The following FOCAD variants were observed in gnomAD, a reference collection of about 807,000 sequenced individuals.
FOCAD encodes the protein KIAA1797.
FOCAD carries 198 observed loss-of-function variants against 225.6 expected under a neutral mutation model. That is an observed-to-expected ratio of 0.88 (90% CI 0.78 to 0.99). The LOEUF (loss-of-function observed/expected upper bound fraction) is 0.99. Ranked by LOEUF, FOCAD falls within the 50% of genes least tolerant of loss-of-function variation. The pLI, the probability that FOCAD is intolerant of heterozygous loss-of-function variation, is 0.00. For synonymous variants in FOCAD, 897 were observed against 755.0 expected (o/e 1.19, Z -3.08); for missense variants, 2,713 against 2,123.6 (o/e 1.28, Z -5.46).
At chr9:20,729,050 C>T (rs1377861812) in intron 4 of FOCAD, among the ~76,000 whole-genome samples, 1 of 152,186 alleles carries the variant, frequency 6.6e-6, no homozygotes, top group African/African-American at 2.4e-5. Context: ...GCCACAATTA[C>T]AGATTTCCAA....
chr9:20,799,741 C>G (rs933737352), intron 11 of FOCAD, among the ~76,000 whole-genome samples: 1 of 152,040 alleles, frequency 6.6e-6, no homozygotes, highest in Non-Finnish European at 1.5e-5. Flanking sequence ...CTATGTTTGT[C>G]TGTGCATGTG....
intron 11 of FOCAD, among the ~76,000 whole-genome samples, chr9:20,798,661 G>T (rs1037993435): frequency 6.6e-6 from 1 of 152,024 alleles, no homozygotes; most frequent in Admixed American, 6.6e-5. Context: ...TTCTCTGATG[G>T]TAGTTTGTAT....
chr9:20,920,616 T>C (rs1834322857), intron 24 of FOCAD, among the ~76,000 whole-genome samples: 1 of 146,380 alleles, frequency 6.8e-6, no homozygotes, highest in African/African-American at 2.5e-5. Context: ...ATATACACCA[T>C]GGAATACTAT....
intron 31 of FOCAD, 69 bp from the exon 32 acceptor site, chr9:20,948,782 C>T: frequency 1.3e-6 from 2 of 1,541,568 alleles, no homozygotes; most frequent in Non-Finnish European, 1.8e-6. Flanking sequence ...TCCGTGTCCT[C>T]AGAAGTTTTA....
chr9:20,810,219 A>T (rs1249943995), intron 11 of FOCAD, among the ~76,000 whole-genome samples: 1 of 152,152 alleles, frequency 6.6e-6, no homozygotes, highest in Non-Finnish European at 1.5e-5. Flanking sequence ...GGCAACATGT[A>T]TGGGTTCTTT....
At chr9:20,905,411 A>T (rs962154791) in intron 21 of FOCAD, among the ~76,000 whole-genome samples, 13 of 151,962 alleles carry the variant, frequency 8.6e-5, no homozygotes, top group African/African-American at 2.7e-4. Context: ...CATTTGTGAG[A>T]CCATTGTCTT....
intron 5 of FOCAD, among the ~76,000 whole-genome samples, chr9:20,753,308 G>C (rs1587021218): frequency 2.0e-5 from 3 of 151,832 alleles, no homozygotes; most frequent in Non-Finnish European, 1.5e-5. Context: ...GTCATAGATA[G>C]CTCTTATTAT....
At chr9:20,692,015 G>C (rs10811391) in intron 1 of FOCAD, among the ~76,000 whole-genome samples, 1 of 151,980 alleles carries the variant, frequency 6.6e-6, no homozygotes, top group Non-Finnish European at 1.5e-5. Context: ...CTCCCAAAGT[G>C]CTGGGATTAC....
At chr9:20,707,906 G>T (rs78710208) in intron 1 of FOCAD, among the ~76,000 whole-genome samples, 1 of 152,218 alleles carries the variant, frequency 6.6e-6, no homozygotes, top group Non-Finnish European at 1.5e-5. Context: ...TTCATACAAG[G>T]TGATGAAACA....
At chr9:20,953,493 G>A (rs1200062745) in intron 35 of FOCAD, among the ~76,000 whole-genome samples, 1 of 152,126 alleles carries the variant, frequency 6.6e-6, no homozygotes, top group African/African-American at 2.4e-5. Flanking sequence ...TGAAATCACT[G>A]GCTCTAGTTC....
chr9:20,673,394 T>C (rs933263510), intron 2 of FOCAD, among the ~76,000 whole-genome samples: 1 of 152,166 alleles, frequency 6.6e-6, no homozygotes, highest in Non-Finnish European at 1.5e-5. Flanking sequence ...ATCGACAATG[T>C]GTAAGGGTTC....
intron 1 of FOCAD, among the ~76,000 whole-genome samples, chr9:20,693,433 C>T (rs909908484): frequency 1.3e-5 from 2 of 152,146 alleles, no homozygotes; most frequent in Admixed American, 6.6e-5. Context: ...CACTTATCTT[C>T]AGAAATGCTA....
At chr9:20,753,820 G>T (rs1336742980) in intron 5 of FOCAD, among the ~76,000 whole-genome samples, 1 of 150,278 alleles carries the variant, frequency 6.7e-6, no homozygotes, top group African/African-American at 2.5e-5. Flanking sequence ...ATAATGTGCA[G>T]TGTTTGTGTT....
rs1292700707 is a variant in FOCAD at position 20,976,479 on chromosome 9, G to A, written c.4192G>A (p.Gly1398Arg). 4.3e-6 allele frequency: 7 copies of A among 1,613,180 alleles called. No individual in the cohort carries two copies. Among genetic ancestry groups the A allele is most frequent in the Non-Finnish European group, 5.9e-6 (7 of 1,179,328 alleles). Residue 1398 changes from glycine (G) to arginine (R), a missense_variant, in exon 36 of 44, where the codon GGA becomes AGA. Coordinates refer to ENST00000338382, the MANE Select transcript of FOCAD (RefSeq NM_001375567.1). The stretch of plus-strand genomic sequence containing the variant: ...AGTGATGAAACCCATAGCAACTGTT[G>A]GAGAAAGCTACCAATATCCTCCTGT... ...KVVMKPIATV[G>R]ESYQYPPVNW...
intron 15 of FOCAD, among the ~76,000 whole-genome samples, chr9:20,839,428 G>C (rs1233247184): frequency 6.6e-6 from 1 of 151,256 alleles, no homozygotes; most frequent in Non-Finnish European, 1.5e-5. Context: ...CTGACTAATT[G>C]TTTTTGTATT....
At position 20,740,313 on chromosome 9, in the gene FOCAD, A is replaced by C. The variant is rs371177017; in HGVS notation, c.365A>C (p.Lys122Thr). 13 of 1,609,390 alleles carry C rather than the reference A, an allele frequency of 8.1e-6. No homozygotes were observed. The African/African-American group carries it at 1.3e-4, about 17-fold the overall frequency. ...CTTAAGGAAGGACAAGGTGGGGAAA[A>C]GAATATTCAGAGTATATATACCATT... Reference protein sequence around the residue: ...QALKEGQGGEKNIQSIYTIRN... With the variant: ...QALKEGQGGETNIQSIYTIRN... The change falls in exon 5 of 44, where the codon AAG becomes ACG. Residue 122 changes from lysine (K) to threonine (T), a missense_variant. Lys to Thr is a moderately conservative substitution (Grantham distance 78). Transcript: ENST00000338382.
chr9:20,951,162 G>T, intron 34 of FOCAD, 64 bp downstream of exon 34: 1 of 1,228,404 alleles, frequency 8.1e-7, no homozygotes, highest in Non-Finnish European at 1.2e-6. Flanking sequence ...GCGCTCTGTA[G>T]TTTGTTAAGA....
rs1827507529 is a variant in FOCAD, at chr9:20,740,346, C to G, written c.392+6C>G. On this transcript the variant is annotated splice_donor_region_variant and intron_variant, in intron 5 of 43. Transcript: ENST00000338382. The stretch of plus-strand genomic sequence containing the variant: ...CAGAGTATATATACCATTAGGTAAG[C>G]CTTTTTTCTGTTTTTTTTTTAAACA... 2 of 1,469,156 alleles carry G rather than the reference C, an allele frequency of 1.4e-6. No homozygotes were observed. Among genetic ancestry groups the G allele is most frequent in the Admixed American group, 2.2e-5 (1 of 44,974 alleles). 91.0% of individuals were successfully genotyped at this position (1,469,156 alleles called of 1,614,324 possible). A position where few individuals can be genotyped will look rare whatever the true frequency, so the allele number is the denominator to read the frequency against.
chr9:20,717,452 T>A (rs1825428968), intron 2 of FOCAD, among the ~76,000 whole-genome samples: 1 of 152,248 alleles, frequency 6.6e-6, no homozygotes, highest in African/African-American at 2.4e-5. Context: ...TTTTAAAAAC[T>A]ATGGGCTTTC....
Sources: allele counts gnomAD v4.1 joint callset (sites outside exome capture counted in the v4.1 genomes callset), GRCh38; gene constraint gnomAD v4.1.1; transcripts MANE v1.5; gene names NCBI Gene and HGNC (gene_info 2026-07-23, HGNC 2026-07-21).